The following TAFA2 variants were observed in gnomAD, a reference collection of about 807,000 sequenced individuals.
The protein encoded by TAFA2 is TAFA chemokine like family member 2.
A neutral mutation model predicts 18.8 loss-of-function variants in TAFA2; 7 were observed. The ratio of observed to expected loss-of-function variants is 0.37; its 90% CI spans 0.21 to 0.70. The LOEUF (loss-of-function observed/expected upper bound fraction) is 0.70, where lower values mean the gene tolerates loss of function less well. TAFA2 is among the 30% of genes least tolerant of loss of function. TAFA2 has a pLI of 0.53. For missense variants in TAFA2, 122 were observed against 158.1 expected (o/e 0.77, Z 1.23); for synonymous variants, 60 against 54.2 (o/e 1.11, Z -0.47).
intron 1 of TAFA2, among the ~76,000 whole-genome samples, chr12:61,877,601 T>C (rs750736233): frequency 6.6e-6 from 1 of 152,158 alleles, no homozygotes; most frequent in Non-Finnish European, 1.5e-5. Context: ...ACTACAGCCA[T>C]CGTCATTTCA....
At chr12:62,006,667 G>A (rs542449893) in intron 1 of TAFA2, among the ~76,000 whole-genome samples, 2 of 152,184 alleles carry the variant, frequency 1.3e-5, no homozygotes, top group East Asian at 1.9e-4. Context: ...ATATTTTACC[G>A]AGGAAACTGT....
intron 1 of TAFA2, among the ~76,000 whole-genome samples, chr12:62,204,970 G>A (rs2062685878): frequency 6.6e-6 from 1 of 152,148 alleles, no homozygotes; most frequent in Admixed American, 6.5e-5. Context: ...AGTTTATTTA[G>A]CTTCAACTTT....
chr12:61,714,227 A>T (rs772463452), intron 4 of TAFA2, among the ~76,000 whole-genome samples: 2 of 152,158 alleles, frequency 1.3e-5, no homozygotes, highest in Non-Finnish European at 2.9e-5. Context: ...TTCATGCGCT[A>T]TAATCACTAT....
intron 1 of TAFA2, among the ~76,000 whole-genome samples, chr12:62,042,041 T>G (rs1881769207): frequency 6.6e-6 from 1 of 152,146 alleles, no homozygotes; most frequent in Non-Finnish European, 1.5e-5. Flanking sequence ...CCATGTGGTC[T>G]TAATACTGTA....
At chr12:61,820,042 AT>A (rs1416065721) in intron 2 of TAFA2, among the ~76,000 whole-genome samples, 1 of 152,050 alleles carries the variant, frequency 6.6e-6, no homozygotes, top group Admixed American at 6.5e-5. Flanking sequence ...ATCCAGAAAC[AT>A]TTTTTAATAT....
chr12:62,258,889 G>C (rs2062959952), upstream of TAFA2: 1 of 189,056 alleles, frequency 5.3e-6, no homozygotes, highest in African/African-American at 2.4e-5. Context: ...GCCGTGGTTA[G>C]AGAAACTCTT....
intron 1 of TAFA2, among the ~76,000 whole-genome samples, chr12:62,233,175 C>G (rs1298724183): frequency 1.4e-5 from 2 of 147,604 alleles, no homozygotes; most frequent in Admixed American, 1.4e-4. Context: ...CCGCCTCCCA[C>G]GTTCAAGTGA....
intron 1 of TAFA2, among the ~76,000 whole-genome samples, chr12:62,087,465 A>G (rs1042739184): frequency 1.3e-5 from 2 of 152,156 alleles, no homozygotes; most frequent in Admixed American, 1.3e-4. Context: ...CTGAGGTCTG[A>G]TTGACAAGAA....
intron 1 of TAFA2, among the ~76,000 whole-genome samples, chr12:62,020,040 A>G (rs1409575453): frequency 6.6e-6 from 1 of 152,204 alleles, no homozygotes; most frequent in African/African-American, 2.4e-5. Flanking sequence ...ATAAATATTG[A>G]AAGACAGTCT....
intron 1 of TAFA2, among the ~76,000 whole-genome samples, chr12:62,022,810 C>G (rs1258280158): frequency 6.6e-6 from 1 of 152,118 alleles, no homozygotes; most frequent in Non-Finnish European, 1.5e-5. Context: ...GACTGAGTGT[C>G]TATCATGTGC....
intron 1 of TAFA2, among the ~76,000 whole-genome samples, chr12:62,146,982 G>A (rs79000092): frequency 0.047 from 7,184 of 151,816 alleles, 252 homozygotes; most frequent in Non-Finnish European, 0.073. Context: ...CAGACCAGTG[G>A]AACAGAATGG....
intron 1 of TAFA2, among the ~76,000 whole-genome samples, chr12:62,017,004 TTAATGA>T (rs372636218): frequency 3.8e-4 from 58 of 152,330 alleles, no homozygotes; most frequent in African/African-American, 1.3e-3. Flanking sequence ...CTGTATGATC[TTAATGA>T]TAATACATAG....
intron 1 of TAFA2, among the ~76,000 whole-genome samples, chr12:62,176,761 A>T (rs2062517184): frequency 1.3e-5 from 2 of 152,234 alleles, no homozygotes; most frequent in African/African-American, 2.4e-5. Context: ...TCTAAAATTG[A>T]AAAAGGGGGT....
At chr12:61,915,887 A>T (rs1241627232) in intron 1 of TAFA2, among the ~76,000 whole-genome samples, 1 of 152,138 alleles carries the variant, frequency 6.6e-6, no homozygotes, top group Non-Finnish European at 1.5e-5. Context: ...CCCAATTCTA[A>T]TCTCTTCCAG....
At chr12:61,839,336 T>A (rs937995595) in intron 2 of TAFA2, among the ~76,000 whole-genome samples, 1 of 152,068 alleles carries the variant, frequency 6.6e-6, no homozygotes, top group African/African-American at 2.4e-5. Flanking sequence ...AGAAAGCAAT[T>A]TGGAGAGTTC....
intron 2 of TAFA2, among the ~76,000 whole-genome samples, chr12:61,802,381 G>A (rs1871435494): frequency 6.6e-6 from 1 of 152,008 alleles, no homozygotes; most frequent in African/African-American, 2.4e-5. Context: ...TGGGTGAATG[G>A]ATAAAGAAAA....
At chr12:61,741,139 A>G (rs1477441426) in intron 4 of TAFA2, among the ~76,000 whole-genome samples, 3 of 152,106 alleles carry the variant, frequency 2.0e-5, no homozygotes, top group Admixed American at 2.0e-4. Flanking sequence ...GTGCAATGGT[A>G]TCAGGTTCCA....
At chr12:62,057,231 T>C (rs1314753843) in intron 1 of TAFA2, among the ~76,000 whole-genome samples, 1 of 152,234 alleles carries the variant, frequency 6.6e-6, no homozygotes, top group Non-Finnish European at 1.5e-5. Context: ...TTCCCCCTTT[T>C]GTTTAAGTTC....
intron 1 of TAFA2, among the ~76,000 whole-genome samples, chr12:62,050,945 G>A (rs571296275): frequency 6.0e-4 from 91 of 152,250 alleles, no homozygotes; most frequent in Non-Finnish European, 1.1e-3. Context: ...TTTCATCAGT[G>A]CTTTAAAAAG....
Sources: gnomAD v4.1 joint callset for allele counts (sites outside exome capture counted in the v4.1 genomes callset) on GRCh38, gnomAD v4.1.1 for gene constraint, MANE v1.5 for transcripts, NCBI Gene and HGNC (gene_info 2026-07-23, HGNC 2026-07-21) for gene names.